CACNA1A: variants seen among roughly 807,000 people sequenced by gnomAD.
The protein encoded by CACNA1A is calcium voltage-gated channel subunit alpha1 A.
Under a neutral mutation model 262.4 loss-of-function variants are expected in CACNA1A, and 57 were observed. That is an observed-to-expected ratio of 0.22 (90% CI 0.18 to 0.27). CACNA1A has a LOEUF of 0.27. CACNA1A is among the 10% of genes least tolerant of loss of function. CACNA1A has a pLI of 1.00. For synonymous variants in CACNA1A, 1,431 were observed against 1,419.3 expected (o/e 1.01, Z -0.18); for missense variants, 2,526 against 3,562.8 (o/e 0.71, Z 7.41).
chr19:13,478,490 T>A (rs953331387), intron 1 of CACNA1A, among the ~76,000 whole-genome samples: 17 of 152,140 alleles, frequency 1.1e-4, no homozygotes, highest in African/African-American at 1.7e-4. Context: ...GCCAATTTTT[T>A]ATTTTTTTGT....
At chr19:13,274,147 G>GGAGAAAGAGGAGGAAGGAGTGAAA (rs1301902371) in intron 24 of CACNA1A, 3 of 152,102 alleles carry the variant, frequency 2.0e-5, no homozygotes, top group African/African-American at 4.8e-5. Context: ...CAAAAAGAGA[G>GGAGAAAGAGGAGGAAGGAGTGAAA]GAGAAAGAGG....
intron 3 of CACNA1A, among the ~76,000 whole-genome samples, chr19:13,384,418 C>G (rs999527866): frequency 3.9e-5 from 6 of 152,146 alleles, no homozygotes; most frequent in Admixed American, 6.5e-5. Flanking sequence ...CATTTTGAGG[C>G]TGGGTGCGGT....
intron 30 of CACNA1A, among the ~76,000 whole-genome samples, chr19:13,248,605 G>A (rs1186024148): frequency 6.6e-6 from 1 of 151,934 alleles, no homozygotes; most frequent in Non-Finnish European, 1.5e-5. Context: ...CACTTTGGGA[G>A]GCCGAGGCAG....
At chr19:13,363,092 A>G (rs376059054) in intron 5 of CACNA1A, 2 of 152,138 alleles carry the variant, frequency 1.3e-5, no homozygotes, top group African/African-American at 4.8e-5. Context: ...CTAGCTTTTC[A>G]GTCTTTCTCC....
chr19:13,325,176 CTCCTCT>C (rs2058336687), intron 10 of CACNA1A, among the ~76,000 whole-genome samples: 1 of 136,226 alleles, frequency 7.3e-6, no homozygotes, highest in African/African-American at 3.0e-5. Flanking sequence ...TTCTTCTTTC[CTCCTCT>C]TCTTCTTCTT....
At chr19:13,375,177 T>C (rs903514657) in intron 3 of CACNA1A, among the ~76,000 whole-genome samples, 4 of 152,142 alleles carry the variant, frequency 2.6e-5, no homozygotes. Flanking sequence ...TTACATCTGT[T>C]ATGGTGGTCT....
chr19:13,317,102 T>C lies in CACNA1A; in HGVS notation c.1555+10A>G. The C allele has an allele frequency of 3.1e-6, 5 of 1,589,306 alleles. No individual in the cohort carries two copies. The highest frequency in any genetic ancestry group is 4.3e-6 in the Non-Finnish European group (5 of 1,159,686). Reference sequence around the variant, plus strand: ...GGGAGTTGGCAGGGGTGGGGCTGGGTGATACTCACAAAGGAAGTCGGAGAG... The same window carrying C: ...GGGAGTTGGCAGGGGTGGGGCTGGGCGATACTCACAAAGGAAGTCGGAGAG... On this transcript the variant is annotated intron_variant, in intron 11 of 46. Coordinates refer to ENST00000360228, the MANE Select transcript of CACNA1A (RefSeq NM_001127222.2).
intron 3 of CACNA1A, among the ~76,000 whole-genome samples, chr19:13,448,446 C>G (rs564127770): frequency 6.6e-6 from 1 of 151,990 alleles, no homozygotes; most frequent in Non-Finnish European, 1.5e-5. Context: ...CAACAAACCC[C>G]CAAGACACAA....
intron 3 of CACNA1A, among the ~76,000 whole-genome samples, chr19:13,419,844 G>A (rs1431598591): frequency 6.6e-6 from 1 of 152,068 alleles, no homozygotes; most frequent in Non-Finnish European, 1.5e-5. Flanking sequence ...CCAGCACTTT[G>A]GGAGGCCGAG....
rs557205300 is a variant in CACNA1A at position 13,257,536 on chromosome 19, C to T, written c.4404G>A (p.Ser1468=). 3.6e-5 allele frequency: 57 copies of T among 1,580,954 alleles called. No homozygotes were observed. The East Asian group carries it at 1.1e-3, about 31-fold the overall frequency. Residue 1468 remains serine (S), a synonymous_variant, in exon 28 of 47, where the codon TCG becomes TCA. Transcript: ENST00000360228. ...GEGWPQVLKH[S]VDATFENQGP... ...CCTGGTTCTCAAAGGTGGCGTCCAC[C>T]GAATGCTTGAGGACCCTGCAAGGAA...
intron 10 of CACNA1A, among the ~76,000 whole-genome samples, chr19:13,323,772 G>C (rs1351895930): frequency 1.3e-5 from 2 of 152,048 alleles, no homozygotes; most frequent in Non-Finnish European, 1.5e-5. Flanking sequence ...TTTTTAGTTT[G>C]ATACGATCCC....
chr19:13,360,340 G>A (rs373022893), intron 5 of CACNA1A, among the ~76,000 whole-genome samples: 1 of 150,874 alleles, frequency 6.6e-6, no homozygotes, highest in Non-Finnish European at 1.5e-5. Flanking sequence ...GAGAGAGCGA[G>A]AGAGAAGTAT....
In CACNA1A at chr19:13,371,622, T is replaced by C. The variant is rs555758927; in HGVS notation, c.631+66A>G. 3.7e-5 allele frequency: 43 copies of C among 1,170,250 alleles called. No homozygotes were observed. The African/African-American group carries it at 6.1e-4, about 17-fold the overall frequency. The allele number at this position is 1,170,250 out of a possible 1,614,324, so 72.5% of individuals were successfully genotyped here. On this transcript the variant is annotated intron_variant, in intron 4 of 46. Coordinates refer to ENST00000360228, the MANE Select transcript of CACNA1A (RefSeq NM_001127222.2). ...ATGTGGCCTCCTGAGATGCTCTGCA[T>C]AGGGGAAACTGAGGGCTCCTGGGGC...
At chr19:13,416,544 G>A (rs969980574) in intron 3 of CACNA1A, among the ~76,000 whole-genome samples, 5 of 152,162 alleles carry the variant, frequency 3.3e-5, no homozygotes, top group African/African-American at 4.8e-5. Flanking sequence ...GGCCGGGCGC[G>A]GTGGCTCACA....
At chr19:13,337,419 T>C (rs2058595162) in intron 6 of CACNA1A, among the ~76,000 whole-genome samples, 1 of 152,196 alleles carries the variant, frequency 6.6e-6, no homozygotes, top group Non-Finnish European at 1.5e-5. Flanking sequence ...CCTGTGAGTG[T>C]GCCTGTCTCT....
intron 31 of CACNA1A, among the ~76,000 whole-genome samples, chr19:13,243,464 G>A (rs1381298180): frequency 2.0e-5 from 3 of 152,170 alleles, no homozygotes; most frequent in African/African-American, 7.2e-5. Context: ...CACCCCAGGA[G>A]CTGTCAGTGT....
intron 3 of CACNA1A, among the ~76,000 whole-genome samples, chr19:13,450,051 G>C (rs2060886339): frequency 1.4e-5 from 2 of 139,774 alleles, no homozygotes; most frequent in Non-Finnish European, 3.0e-5. Flanking sequence ...TGAGGCAGGA[G>C]AATCACTTGA....
At chr19:13,407,368 C>A (rs954733364) in intron 3 of CACNA1A, among the ~76,000 whole-genome samples, 3 of 152,200 alleles carry the variant, frequency 2.0e-5, no homozygotes, top group Non-Finnish European at 4.4e-5. Flanking sequence ...CGGCACCATT[C>A]AAAAACTGCT....
At position 13,466,208 on chromosome 19, in the gene CACNA1A, CT is replaced by C. The variant is rs557368417; in HGVS notation, c.294-10997del. The stretch of plus-strand genomic sequence containing the variant: ...TTTTTTAAATTCCATTTTGGTTTTG[CT>C]TTTTTTTTTTTCTTTCCCCTTGACT... On this transcript the variant is annotated intron_variant, in intron 1 of 46. Transcript: ENST00000360228. 4.3e-3 allele frequency among the ~76,000 whole-genome samples: 626 copies of C among 146,842 alleles called. 2 individuals carry two copies. Among genetic ancestry groups the C allele is most frequent in the Non-Finnish European group, 7.1e-3 (472 of 66,226 alleles).
Sources: allele counts gnomAD v4.1 joint callset (sites outside exome capture counted in the v4.1 genomes callset), GRCh38; gene constraint gnomAD v4.1.1; transcripts MANE v1.5; gene names NCBI Gene and HGNC (gene_info 2026-07-23, HGNC 2026-07-21).